Variants in NUP210L observed in about 807,000 individuals in gnomAD.
NUP210L encodes nucleoporin 210 like, also known as nuclear pore membrane glycoprotein 210-like.
A neutral mutation model predicts 208.5 loss-of-function variants in NUP210L; 74 were observed. The observed-to-expected ratio is 0.35, with a 90% CI of 0.29 to 0.43. NUP210L has a LOEUF of 0.43. NUP210L is among the 20% of genes least tolerant of loss of function. The probability of loss-of-function intolerance (pLI) is 1.00; values close to 1 mark genes in which losing one functional copy is unlikely to be tolerated. For missense variants in NUP210L, 1,843 were observed against 2,289.4 expected (o/e 0.81, Z 3.98); for synonymous variants, 780 against 816.9 (o/e 0.95, Z 0.77).
chr1:154,103,134 C>G (rs1474540312), intron 13 of NUP210L, among the ~76,000 whole-genome samples: 3 of 152,046 alleles, frequency 2.0e-5, no homozygotes, highest in Non-Finnish European at 4.4e-5. Flanking sequence ...TGGCTCACGC[C>G]TGTAATCCCA....
intron 33 of NUP210L, among the ~76,000 whole-genome samples, chr1:154,017,936 G>A (rs762845851): frequency 1.1e-4 from 16 of 151,714 alleles, no homozygotes; most frequent in Non-Finnish European, 1.6e-4. Context: ...TAAGATTGAA[G>A]TGCTCCCAGA....
intron 30 of NUP210L, 152 bp downstream of exon 30, chr1:154,025,390 A>G (rs1651820372): frequency 3.0e-6 from 1 of 328,800 alleles, no homozygotes; most frequent in Admixed American, 5.8e-5. Context: ...ATGTTCTCTC[A>G]TGATACAGAA....
At chr1:154,151,611 T>C (rs1659388001) in intron 2 of NUP210L, among the ~76,000 whole-genome samples, 1 of 152,166 alleles carries the variant, frequency 6.6e-6, no homozygotes, top group African/African-American at 2.4e-5. Context: ...TTCTATCTAA[T>C]TGCAAAGTCC....
chr1:154,048,205 C>T (rs941986003), intron 25 of NUP210L, among the ~76,000 whole-genome samples: 1 of 152,132 alleles, frequency 6.6e-6, no homozygotes, highest in Admixed American at 6.6e-5. Flanking sequence ...AGTGGCCTGA[C>T]CCTCCAGATC....
chr1:154,056,905 A>C lies in NUP210L; in HGVS notation c.3150T>G (p.Leu1050=), dbSNP rs757569446. The change falls in exon 23 of 40, where the codon CTT becomes CTG. Residue 1050 remains leucine, a synonymous_variant. Coordinates refer to ENST00000368559, the Ensembl canonical transcript of NUP210L. ...TGGTTTGCCCAATAGTGGTAGCTCG[A>C]AGAATATAATTTTCAGAGTATTCGT... The C allele has an allele frequency of 1.9e-6, 3 of 1,609,666 alleles. No individual in the cohort carries two copies. In the South Asian group the frequency reaches 3.3e-5, roughly 18 times the overall value.
At chr1:154,025,994 G>A (rs963735294) in intron 29 of NUP210L, among the ~76,000 whole-genome samples, 43 of 151,932 alleles carry the variant, frequency 2.8e-4, no homozygotes, top group African/African-American at 9.7e-4. Flanking sequence ...AGGCCAAGGC[G>A]GGAGGATCAC....
exon 3 of NUP210L, chr1:154,143,491 C>T (rs1279898524): frequency 1.9e-6 from 3 of 1,614,036 alleles, no homozygotes; most frequent in Non-Finnish European, 2.5e-6. Flanking sequence ...GGCGAATCAT[C>T]TACATAAAGT....
At chr1:154,080,207 A>C (rs1655247324) in intron 16 of NUP210L, among the ~76,000 whole-genome samples, 1 of 151,876 alleles carries the variant, frequency 6.6e-6, no homozygotes, top group African/African-American at 2.4e-5. Context: ...TAAAAATACA[A>C]AAATGAGCCA....
rs1490731381 is a variant in NUP210L, at chr1:153,993,097, A to T, written c.5492-8T>A. 1 of 1,608,342 alleles carries T rather than the reference A, an allele frequency of 6.2e-7. No individual in the cohort carries two copies. Among genetic ancestry groups the T allele is most frequent in the Non-Finnish European group, 8.5e-7 (1 of 1,177,110 alleles). ...TTAGGAAGGCATTGTATGCTGGAAA[A>T]AGGACAGGAAATGTCACAAGGCATA... is the stretch of plus-strand genomic sequence containing the variant. On this transcript the variant is annotated splice_region_variant and splice_polypyrimidine_tract_variant and intron_variant, in intron 38 of 39. Coordinates refer to ENST00000368559, the Ensembl canonical transcript of NUP210L.
intron 37 of NUP210L, among the ~76,000 whole-genome samples, chr1:153,996,908 T>C (rs1649920959): frequency 6.8e-6 from 1 of 147,272 alleles, no homozygotes; most frequent in African/African-American, 2.5e-5. Context: ...GGTGCAGTCA[T>C]GGCTTACTGC....
chr1:154,100,006 G>T (rs779852901), exon 14 of NUP210L: 25 of 1,613,950 alleles, frequency 1.5e-5, no homozygotes, highest in African/African-American at 1.3e-5. Context: ...ACCTTTAGGG[G>T]TTCATAAGCA....
At chr1:154,047,977 G>A (rs1307230543) in intron 25 of NUP210L, among the ~76,000 whole-genome samples, 1 of 152,176 alleles carries the variant, frequency 6.6e-6, no homozygotes, top group Admixed American at 6.6e-5. Flanking sequence ...GAGTAAGAAG[G>A]GGAGCTTGGA....
chr1:154,135,827 G>C, exon 7 of NUP210L: 1 of 1,614,012 alleles, frequency 6.2e-7, no homozygotes, highest in Non-Finnish European at 8.5e-7. Flanking sequence ...TATGGACAAA[G>C]ACAAGATTAG....
At chr1:154,039,574 T>C (rs1314845280) in intron 27 of NUP210L, among the ~76,000 whole-genome samples, 2 of 152,204 alleles carry the variant, frequency 1.3e-5, no homozygotes, top group African/African-American at 4.8e-5. Context: ...ATAACTTCAC[T>C]GGATATACTA....
intron 24 of NUP210L, 125 bp downstream of exon 24, chr1:154,054,645 T>C (rs142226036): frequency 1.3e-6 from 1 of 791,686 alleles, no homozygotes; most frequent in Non-Finnish European, 2.1e-6. Flanking sequence ...TTGTTCTTTA[T>C]CAGATCCACT....
At chr1:154,116,555 C>G (rs1359527212) in intron 12 of NUP210L, among the ~76,000 whole-genome samples, 1 of 151,914 alleles carries the variant, frequency 6.6e-6, no homozygotes, top group African/African-American at 2.4e-5. Context: ...ACAGTGAGAC[C>G]CTGTCTCTAC....
chr1:154,084,314 C>T (rs1298807618), intron 16 of NUP210L, among the ~76,000 whole-genome samples: 1 of 151,222 alleles, frequency 6.6e-6, no homozygotes, highest in African/African-American at 2.4e-5. Flanking sequence ...TGGGTTCAAG[C>T]GATTCTCATA....
intron 27 of NUP210L, among the ~76,000 whole-genome samples, chr1:154,034,827 GTC>G (rs199575940): frequency 1.3e-4 from 19 of 146,156 alleles, no homozygotes; most frequent in South Asian, 2.2e-4. Flanking sequence ...TGGTTGTAAT[GTC>G]TCTCTCTCTC....
At chr1:154,019,558 C>T (rs949981720) in intron 32 of NUP210L, among the ~76,000 whole-genome samples, 1 of 152,158 alleles carries the variant, frequency 6.6e-6, no homozygotes, top group Non-Finnish European at 1.5e-5. Context: ...CTCTTTCCTT[C>T]ATCACATGAT....
Sources: allele counts gnomAD v4.1 joint callset (sites outside exome capture counted in the v4.1 genomes callset), GRCh38; gene constraint gnomAD v4.1.1; transcripts MANE v1.5; gene names NCBI Gene and HGNC (gene_info 2026-07-23, HGNC 2026-07-21).